The following QSER1 variants were observed in gnomAD, a reference collection of about 807,000 sequenced individuals.
The protein encoded by QSER1 is glutamine and serine rich 1.
In QSER1, 49 loss-of-function variants were observed where a neutral mutation model predicts 158.5. That is an observed-to-expected ratio of 0.31 (90% CI 0.25 to 0.39). The LOEUF (loss-of-function observed/expected upper bound fraction) is 0.39, where lower values mean the gene tolerates loss of function less well. QSER1 is among the 10% of genes least tolerant of loss of function. The probability of loss-of-function intolerance (pLI) is 1.00; values close to 1 mark genes in which losing one functional copy is unlikely to be tolerated. For synonymous variants in QSER1, 650 were observed against 715.5 expected, an observed-to-expected ratio of 0.91 and a Z score of 1.46; for missense variants, 1,754 against 2,010.3, an observed-to-expected ratio of 0.87 and a Z score of 2.44.
intron 4 of QSER1, among the ~76,000 whole-genome samples, chr11:32,939,451 T>C (rs188451555): frequency 2.9e-4 from 44 of 152,300 alleles, no homozygotes; most frequent in African/African-American, 9.6e-4. Flanking sequence ...TAGTTCTTTG[T>C]CTCTGAAATT....
chr11:32,913,564 ACTTATG>A (rs1001722399), intron 1 of QSER1, among the ~76,000 whole-genome samples: 8 of 152,012 alleles, frequency 5.3e-5, no homozygotes, highest in African/African-American at 1.9e-4. Context: ...ATGTTTATTT[ACTTATG>A]CTCTTTTATT....
At chr11:32,943,875 T>C (rs1178549362) in intron 4 of QSER1, among the ~76,000 whole-genome samples, 2 of 152,020 alleles carry the variant, frequency 1.3e-5, no homozygotes, top group Admixed American at 6.6e-5. Flanking sequence ...TGGACTCTTT[T>C]TGGTTGGTAA....
Position 32,976,372 on chromosome 11 carries a change from G to A in QSER1, c.5493G>A (p.Gln1831=), listed in dbSNP as rs572124317. 15 of 1,603,930 alleles carry A rather than the reference G, an allele frequency of 9.4e-6. No homozygotes were observed. The highest frequency in any genetic ancestry group is 3.5e-5 in the Admixed American group (2 of 57,306). ...SVQKKNEDLG[Q]EEIVQLCMKN... is the part of the protein sequence containing the mutation. ...AGAAAAAAAATGAAGATTTAGGACA[G>A]GAGGAAATTGTTCAACTTTGTATGA... Residue 1831 remains glutamine (Q), a synonymous_variant, in exon 13 of 13, where the codon CAG becomes CAA. Coordinates refer to ENST00000650167, the MANE Select transcript of QSER1 (RefSeq NM_001076786.3).
At chr11:32,907,352 T>C (rs1590711898) in intron 1 of QSER1, among the ~76,000 whole-genome samples, 1 of 152,362 alleles carries the variant, frequency 6.6e-6, no homozygotes, top group Non-Finnish European at 1.5e-5. Flanking sequence ...TAATTCTAGT[T>C]CATATTCAGA....
At chr11:32,900,618 C>T (rs888606313) in intron 1 of QSER1, among the ~76,000 whole-genome samples, 1 of 152,146 alleles carries the variant, frequency 6.6e-6, no homozygotes, top group Non-Finnish European at 1.5e-5. Context: ...ATCTAAGCCT[C>T]AGCTAATTTC....
intron 8 of QSER1, among the ~76,000 whole-genome samples, chr11:32,961,872 T>C (rs1385676474): frequency 6.6e-6 from 1 of 152,226 alleles, no homozygotes; most frequent in Non-Finnish European, 1.5e-5. Context: ...CATTGTATGT[T>C]TACACCACAT....
At chr11:32,910,725 CA>C (rs1851755430) in intron 1 of QSER1, among the ~76,000 whole-genome samples, 1 of 152,118 alleles carries the variant, frequency 6.6e-6, no homozygotes, top group African/African-American at 2.4e-5. Flanking sequence ...AATTTTTAAA[CA>C]AAAACTTTAA....
chr11:32,899,573 G>T (rs1367896328), intron 1 of QSER1, among the ~76,000 whole-genome samples: 1 of 152,110 alleles, frequency 6.6e-6, no homozygotes, highest in Non-Finnish European at 1.5e-5. Context: ...GAGAAATCAA[G>T]TGACAAGCAT....
intron 8 of QSER1, among the ~76,000 whole-genome samples, chr11:32,959,064 A>G (rs1732962099): frequency 6.6e-6 from 1 of 152,252 alleles, no homozygotes; most frequent in Non-Finnish European, 1.5e-5. Context: ...ACCAGCACAC[A>G]AAGCATGGTG....
At chr11:32,910,419 A>G (rs948082719) in intron 1 of QSER1, among the ~76,000 whole-genome samples, 2 of 152,208 alleles carry the variant, frequency 1.3e-5, no homozygotes, top group African/African-American at 4.8e-5. Context: ...TGCCTGGTAC[A>G]TAATATCTAA....
intron 1 of QSER1, among the ~76,000 whole-genome samples, chr11:32,911,260 G>A (rs540030776): frequency 1.3e-5 from 2 of 152,178 alleles, no homozygotes; most frequent in East Asian, 1.9e-4. Flanking sequence ...ACAGAGAGGG[G>A]AACAACACAC....
intron 5 of QSER1, 53 bp downstream of exon 5, chr11:32,954,232 G>T (rs557654215): frequency 8.6e-5 from 133 of 1,554,664 alleles, no homozygotes; most frequent in East Asian, 6.8e-5. Context: ...GTGTGCCTGC[G>T]ATAGCCTTCA....
Position 32,931,749 on chromosome 11 carries a change from A to C in QSER1, c.491A>C (p.His164Pro), listed in dbSNP as rs764206703. The part of the protein sequence containing the change: ...FRAPSWQTGM[H>P]SSAATELFAT... ...TTGTGCCTTTTCTTCATAGGCATGC[A>C]TTCCTCAGCAGCAACTGAGCTGTTT... Residue 164 changes from histidine (H) to proline (P), a missense_variant, in exon 4 of 13, where the codon CAT becomes CCT. His to Pro is a moderately conservative substitution (Grantham distance 77). Around this residue, in one of 2 missense-constraint regions of QSER1, gnomAD observed 1,707 missense variants for 1,919.6 expected, o/e 0.89. Coordinates refer to ENST00000650167, the MANE Select transcript of QSER1 (RefSeq NM_001076786.3). 6.3e-6 allele frequency: 10 copies of C among 1,585,870 alleles called. No individual in the cohort carries two copies. In the South Asian group the frequency reaches 1.2e-4, roughly 18 times the overall value.
At position 32,953,971 on chromosome 11, in the gene QSER1, C is replaced by A; in HGVS notation, c.4292C>A (p.Ala1431Glu). Reference protein sequence around the residue: ...KQEPLHSTSYAVNILENISSS... With the variant: ...KQEPLHSTSYEVNILENISSS... ...GAACCTCTCCACTCTACTTCATATGCAGTAAATATTCTGGAAAATATAAGC... is the reference window on the plus strand; with the variant it reads ...GAACCTCTCCACTCTACTTCATATGAAGTAAATATTCTGGAAAATATAAGC... Residue 1431 changes from alanine to glutamate, a missense_variant, in exon 5 of 13, where the codon GCA becomes GAA. Transcript: ENST00000650167. 6.2e-7 allele frequency: 1 copy of A among 1,614,114 alleles called. No individual in the cohort carries two copies. Among genetic ancestry groups the A allele is most frequent in the Non-Finnish European group, 8.5e-7 (1 of 1,180,002 alleles).
At chr11:32,900,685 T>G (rs1851613848) in intron 1 of QSER1, among the ~76,000 whole-genome samples, 1 of 152,242 alleles carries the variant, frequency 6.6e-6, no homozygotes, top group Admixed American at 6.5e-5. Flanking sequence ...TGGCTTTACT[T>G]CTGTTCCTGA....
At chr11:32,938,421 T>C (rs938813218) in intron 4 of QSER1, among the ~76,000 whole-genome samples, 1 of 152,216 alleles carries the variant, frequency 6.6e-6, no homozygotes, top group African/African-American at 2.4e-5. Flanking sequence ...GATTTTAATT[T>C]TGTGAGTAGA....
intron 1 of QSER1, among the ~76,000 whole-genome samples, chr11:32,898,390 G>A (rs965447592): frequency 5.9e-5 from 9 of 152,044 alleles, no homozygotes; most frequent in African/African-American, 1.9e-4. Flanking sequence ...GGAGGCTGGG[G>A]TGGGAGGATG....
intron 4 of QSER1, among the ~76,000 whole-genome samples, chr11:32,951,675 T>C (rs541702340): frequency 8.7e-4 from 133 of 152,302 alleles, no homozygotes; most frequent in African/African-American, 3.1e-3. Flanking sequence ...TAAATATTAC[T>C]TTTGATGCTA....
At chr11:32,900,378 G>A (rs1851608827) in intron 1 of QSER1, among the ~76,000 whole-genome samples, 1 of 152,054 alleles carries the variant, frequency 6.6e-6, no homozygotes, top group Non-Finnish European at 1.5e-5. Flanking sequence ...GGCCAACATG[G>A]CAAAACCCTG....
Sources: gnomAD v4.1 joint callset for allele counts (sites outside exome capture counted in the v4.1 genomes callset) on GRCh38, gnomAD v4.1.1 for gene constraint, gnomAD v4.1.1 regional missense constraint, MANE v1.5 for transcripts, NCBI Gene and HGNC (gene_info 2026-07-23, HGNC 2026-07-21) for gene names.